Variants in C5orf58 observed in about 807,000 individuals in gnomAD.
C5orf58 encodes putative uncharacterized protein C5orf58.
In C5orf58, 2 loss-of-function variants were observed where a neutral mutation model predicts 2.9. That is an observed-to-expected ratio of 0.69 (90% CI 0.28 to 2.18). C5orf58 has a LOEUF of 2.18. C5orf58 is among the 30% of genes most tolerant of loss of function. The pLI, the probability that C5orf58 is intolerant of heterozygous loss-of-function variation, is 0.13. For missense variants in C5orf58, 96 were observed against 91.7 expected, an observed-to-expected ratio of 1.05 and a Z score of -0.19; for synonymous variants, 37 against 33.4, an observed-to-expected ratio of 1.11 and a Z score of -0.37.
chr5:170,248,958 ATTAGT>A, downstream of C5orf58: 1 of 790,156 alleles, frequency 1.3e-6, no homozygotes, highest in Non-Finnish European at 2.0e-6. Flanking sequence ...AAATGTGGCA[ATTAGT>A]TTAATGATTT....
chr5:170,235,088 A>C lies in C5orf58; in HGVS notation c.94+18A>C, dbSNP rs1392966787. On this transcript the variant is annotated intron_variant, in intron 3 of 3. Transcript: ENST00000593851. The stretch of plus-strand genomic sequence containing the variant: ...GATAAAAGGTAAGTATTGAATCACT[A>C]AAATGTTTGCATGTCATTGTTATAA... 8.3e-7 allele frequency: 1 copy of C among 1,210,162 alleles called. No homozygotes were observed. Among genetic ancestry groups the C allele is most frequent in the Non-Finnish European group, 1.2e-6 (1 of 843,102 alleles). The allele number at this position is 1,210,162 out of a possible 1,614,324, so 75.0% of individuals were successfully genotyped here.
exon 3 of C5orf58, chr5:170,252,047 G>T: frequency 5.0e-6 from 1 of 199,778 alleles, no homozygotes; most frequent in East Asian, 1.1e-4. Flanking sequence ...CTTTAATATT[G>T]GTCCTTTCAC....
intron 3 of C5orf58, among the ~76,000 whole-genome samples, chr5:170,240,887 T>A (rs1760974533): frequency 6.6e-6 from 1 of 152,040 alleles, no homozygotes; most frequent in Non-Finnish European, 1.5e-5. Flanking sequence ...TAGGTTTTCT[T>A]CTAGGGTTTT....
chr5:170,250,944 G>T, downstream of C5orf58: 2 of 1,410,122 alleles, frequency 1.4e-6, no homozygotes, highest in Non-Finnish European at 2.0e-6. Flanking sequence ...TTTGTTGCTT[G>T]TAAGAGTAGT....
chr5:170,239,647 G>A (rs541493576), intron 3 of C5orf58, among the ~76,000 whole-genome samples: 1 of 152,066 alleles, frequency 6.6e-6, no homozygotes, highest in Non-Finnish European at 1.5e-5. Flanking sequence ...ATAAAAATAA[G>A]TTAAAACCAT....
intron 3 of C5orf58, among the ~76,000 whole-genome samples, chr5:170,243,831 CTGG>C (rs1761130389): frequency 6.7e-6 from 1 of 148,884 alleles, no homozygotes; most frequent in Admixed American, 6.7e-5. Flanking sequence ...ATGATGTTAG[CTGG>C]TGATTTTGCT....
At chr5:170,245,660 G>T (rs13356252) in intron 3 of C5orf58, among the ~76,000 whole-genome samples, 195 of 152,270 alleles carry the variant, frequency 1.3e-3, no homozygotes, top group African/African-American at 4.4e-3. Context: ...CCACTGACCT[G>T]CGCCCACTGT....
chr5:170,234,314 C>T, intron 2 of C5orf58, 116 bp downstream of exon 2: 1 of 535,210 alleles, frequency 1.9e-6, no homozygotes, highest in Non-Finnish European at 3.4e-6. Flanking sequence ...TTTTGAGAGA[C>T]TGAACAGCTT....
intron 2 of C5orf58, 107 bp from the exon 3 acceptor site, chr5:170,234,870 A>T (rs1429348360): frequency 9.3e-6 from 5 of 535,604 alleles, no homozygotes; most frequent in African/African-American, 2.0e-5. Context: ...TTGTTTCATA[A>T]TTATTTCTGA....
At chr5:170,244,888 G>GT (rs1324194522) in intron 3 of C5orf58, among the ~76,000 whole-genome samples, 112 of 152,016 alleles carry the variant, frequency 7.4e-4, no homozygotes, top group African/African-American at 2.6e-3. Flanking sequence ...TTTCTGTTCT[G>GT]TTTTTTCCCC....
chr5:170,235,278 C>G (rs1013104079), intron 3 of C5orf58, among the ~76,000 whole-genome samples: 1 of 152,174 alleles, frequency 6.6e-6, no homozygotes, highest in Admixed American at 6.5e-5. Flanking sequence ...ATTCCCATCC[C>G]TGACATTAAT....
At chr5:170,234,063 C>A in intron 1 of C5orf58, 52 bp from the exon 2 acceptor site, 2 of 1,125,858 alleles carry the variant, frequency 1.8e-6, no homozygotes, top group Non-Finnish European at 2.5e-6. Flanking sequence ...AGAATGGGGT[C>A]TTGGGGGTAG....
intron 1 of C5orf58, 124 bp downstream of exon 1, chr5:170,233,131 G>A (rs1477037871): frequency 1.1e-5 from 3 of 283,872 alleles, no homozygotes; most frequent in Non-Finnish European, 1.6e-5. Flanking sequence ...GCGGTGGGCC[G>A]GGCTGGCCTC....
chr5:170,247,206 G>A (rs1395019739), downstream of C5orf58: 1 of 152,166 alleles, frequency 6.6e-6, no homozygotes, highest in Non-Finnish European at 1.5e-5. Context: ...ATAGCCCGTT[G>A]TGTAGACGTG....
chr5:170,247,531 C>T (rs1761326245), downstream of C5orf58: 1 of 152,128 alleles, frequency 6.6e-6, no homozygotes, highest in African/African-American at 2.4e-5. Context: ...AACCAAGGTC[C>T]CAAAGGGAAA....
chr5:170,236,505 A>G (rs1581035491), intron 3 of C5orf58, among the ~76,000 whole-genome samples: 1 of 152,314 alleles, frequency 6.6e-6, no homozygotes, highest in Middle Eastern at 3.4e-3. Context: ...CACAGTGAAG[A>G]TTCTCCTTCT....
At chr5:170,239,570 C>T (rs1760892269) in intron 3 of C5orf58, among the ~76,000 whole-genome samples, 1 of 151,644 alleles carries the variant, frequency 6.6e-6, no homozygotes, top group Non-Finnish European at 1.5e-5. Context: ...GAGATTGGAA[C>T]TGCAGTTTTT....
At chr5:170,252,411 T>G, downstream of C5orf58, 1 of 1,387,308 alleles carries the variant, frequency 7.2e-7, no homozygotes, top group Non-Finnish European at 1.0e-6. Flanking sequence ...ACAACTATGT[T>G]AAAATAAACT....
chr5:170,252,145 T>A (rs1015739282), exon 3 of C5orf58: 1 of 242,212 alleles, frequency 4.1e-6, no homozygotes, highest in East Asian at 7.7e-5. Flanking sequence ...TCTGACACCA[T>A]GTGATTCCTA....
Sources: gnomAD v4.1 joint callset for allele counts (sites outside exome capture counted in the v4.1 genomes callset) on GRCh38, gnomAD v4.1.1 for gene constraint, MANE v1.5 for transcripts, NCBI Gene and HGNC (gene_info 2026-07-23, HGNC 2026-07-21) for gene names.